WDR49: variants seen among roughly 807,000 people sequenced by gnomAD.
WDR49 encodes the protein WD repeat domain 49.
WDR49 carries 107 observed loss-of-function variants against 119.5 expected under a neutral mutation model. The observed-to-expected ratio is 0.90, with a 90% CI of 0.77 to 1.05. WDR49 has a LOEUF of 1.05. WDR49 is among the 50% of genes least tolerant of loss of function. The probability of loss-of-function intolerance (pLI) is 0.00; values close to 1 mark genes in which losing one functional copy is unlikely to be tolerated. For synonymous variants in WDR49, 425 were observed against 418.8 expected, an observed-to-expected ratio of 1.01 and a Z score of -0.18; for missense variants, 1,240 against 1,220.5, an observed-to-expected ratio of 1.02 and a Z score of -0.24.
intron 15 of WDR49, 69 bp downstream of exon 15, chr3:167,527,751 T>C: frequency 4.1e-6 from 6 of 1,449,896 alleles, no homozygotes; most frequent in Middle Eastern, 4.6e-4. Flanking sequence ...GAGATTCAAA[T>C]AGAAATCAGC....
At chr3:167,514,156 T>A (rs1560260932) in intron 16 of WDR49, among the ~76,000 whole-genome samples, 1 of 152,124 alleles carries the variant, frequency 6.6e-6, no homozygotes. Context: ...CAGAATATAC[T>A]TTCTTCTTGG....
intron 7 of WDR49, among the ~76,000 whole-genome samples, chr3:167,596,439 T>A (rs1203352914): frequency 6.6e-6 from 1 of 151,500 alleles, no homozygotes; most frequent in Admixed American, 6.6e-5. Flanking sequence ...ACTGTGGCAT[T>A]ATTCACAATA....
chr3:167,500,827 G>T (rs1426489959), intron 17 of WDR49, among the ~76,000 whole-genome samples: 1 of 152,172 alleles, frequency 6.6e-6, no homozygotes, highest in African/African-American at 2.4e-5. Context: ...CAAAGTAAAA[G>T]ATATTTCTCT....
chr3:167,656,835 G>A (rs1347583336), upstream of WDR49, among the ~76,000 whole-genome samples: 1 of 152,128 alleles, frequency 6.6e-6, no homozygotes, highest in African/African-American at 2.4e-5. Flanking sequence ...ATGATATTGT[G>A]AAAATCAAGA....
intron 2 of WDR49, among the ~76,000 whole-genome samples, chr3:167,628,101 C>A (rs1223229036): frequency 6.6e-6 from 1 of 152,042 alleles, no homozygotes; most frequent in Non-Finnish European, 1.5e-5. Context: ...AAACTTAATT[C>A]ATGAGTGTTG....
At chr3:167,556,870 T>C (rs920422694) in intron 9 of WDR49, among the ~76,000 whole-genome samples, 2 of 151,834 alleles carry the variant, frequency 1.3e-5, no homozygotes, top group Non-Finnish European at 2.9e-5. Flanking sequence ...ACTAAAAATA[T>C]AAAAATTAGC....
intron 18 of WDR49, among the ~76,000 whole-genome samples, 176 bp downstream of exon 18, chr3:167,499,977 C>T (rs1485601595): frequency 6.6e-6 from 1 of 152,184 alleles, no homozygotes; most frequent in Non-Finnish European, 1.5e-5. Flanking sequence ...GTTGGCTCTC[C>T]TATCTGAGAG....
At chr3:167,503,364 C>T (rs1241385354) in intron 17 of WDR49, among the ~76,000 whole-genome samples, 1 of 152,212 alleles carries the variant, frequency 6.6e-6, no homozygotes, top group African/African-American at 2.4e-5. Context: ...CCCAGAGCTC[C>T]CAAGATGGTG....
At chr3:167,591,519 G>GT (rs1715105732) in intron 7 of WDR49, among the ~76,000 whole-genome samples, 1 of 151,686 alleles carries the variant, frequency 6.6e-6, no homozygotes, top group Admixed American at 6.6e-5. Context: ...TCCAGCTATT[G>GT]TTGTATTGTG....
intron 16 of WDR49, among the ~76,000 whole-genome samples, chr3:167,513,485 G>T (rs775357965): frequency 1.3e-5 from 2 of 152,028 alleles, no homozygotes; most frequent in Non-Finnish European, 2.9e-5. Context: ...AGGAAAAACC[G>T]TTATCAGTCA....
At chr3:167,601,415 C>T (rs1305104285) in intron 7 of WDR49, among the ~76,000 whole-genome samples, 2 of 152,076 alleles carry the variant, frequency 1.3e-5, no homozygotes, top group Middle Eastern at 3.4e-3. Context: ...TTATATGCAC[C>T]CTCCTCTTCA....
chr3:167,495,488 T>C (rs1167721101), intron 18 of WDR49, among the ~76,000 whole-genome samples: 2 of 152,116 alleles, frequency 1.3e-5, no homozygotes, highest in Non-Finnish European at 2.9e-5. Context: ...AATAAAATGT[T>C]TTTCCATTTT....
chr3:167,555,106 G>A (rs999661906), intron 9 of WDR49, among the ~76,000 whole-genome samples: 4 of 152,052 alleles, frequency 2.6e-5, no homozygotes, highest in Non-Finnish European at 5.9e-5. Context: ...CTCAAGAAAC[G>A]CCAAGGCATA....
chr3:167,484,296 TG>T (rs1414124925), intron 18 of WDR49, among the ~76,000 whole-genome samples: 1 of 151,984 alleles, frequency 6.6e-6, no homozygotes. Flanking sequence ...GGGCCTGTTG[TG>T]GGGTGAGGGG....
rs1715936206 is a variant in WDR49 at position 167,604,389 on chromosome 3, C to T, written c.1038G>A (p.Glu346=). 6.2e-7 allele frequency: 1 copy of T among 1,613,518 alleles called. No homozygotes were observed. Among genetic ancestry groups the T allele is most frequent in the African/African-American group, 1.3e-5 (1 of 74,858 alleles). ...TCATATTAAGACGCTTTTTTGATTT[C>T]TCTCTCCAAGCCATCACCACACTAT... ...NTNSVVMAWR[E]KSKKRLNMTS... is the part of the protein sequence containing the mutation. Residue 346 remains glutamate, a synonymous_variant, in exon 6 of 19, where the codon GAG becomes GAA. Coordinates refer to ENST00000682715, the MANE Select transcript of WDR49 (RefSeq NM_001366157.1).
intron 17 of WDR49, among the ~76,000 whole-genome samples, chr3:167,503,395 C>A (rs963244499): frequency 1.3e-5 from 2 of 152,174 alleles, no homozygotes; most frequent in African/African-American, 4.8e-5. Context: ...TCCAAAATGG[C>A]GGTGGGCCAC....
chr3:167,595,941 A>T (rs1214366096), intron 7 of WDR49, among the ~76,000 whole-genome samples: 10 of 143,716 alleles, frequency 7.0e-5, no homozygotes, highest in Middle Eastern at 3.6e-3. Context: ...CAACCTACAA[A>T]ATGGGAGAAA....
At chr3:167,542,974 C>T (rs1711935298) in intron 10 of WDR49, among the ~76,000 whole-genome samples, 2 of 151,950 alleles carry the variant, frequency 1.3e-5, no homozygotes, top group Admixed American at 1.3e-4. Flanking sequence ...ACAACTGATA[C>T]CACAGAAATA....
At chr3:167,521,662 C>A (rs569528624) in intron 16 of WDR49, among the ~76,000 whole-genome samples, 10 of 152,082 alleles carry the variant, frequency 6.6e-5, no homozygotes, top group Non-Finnish European at 1.5e-4. Context: ...AAGTAATAAG[C>A]TCAGATATCT....
Sources: allele counts gnomAD v4.1 joint callset (sites outside exome capture counted in the v4.1 genomes callset), GRCh38; gene constraint gnomAD v4.1.1; transcripts MANE v1.5; gene names NCBI Gene and HGNC (gene_info 2026-07-23, HGNC 2026-07-21).